Variants in INO80C observed in about 807,000 individuals in gnomAD.
The protein encoded by INO80C is INO80 complex subunit C.
A neutral mutation model predicts 17.7 loss-of-function variants in INO80C; 17 were observed. That is an observed-to-expected ratio of 0.96 (90% CI 0.66 to 1.44). The LOEUF is 1.44. Ranked by LOEUF, INO80C falls within the 40% of genes most tolerant of loss-of-function variation. The pLI, the probability that INO80C is intolerant of heterozygous loss-of-function variation, is 0.00. For synonymous variants in INO80C, 96 were observed against 95.8 expected (o/e 1.00, Z -0.01); for missense variants, 244 against 245.0 (o/e 1.00, Z 0.03).
chr18:35,484,300 A>C (rs2045847437), intron 1 of INO80C, among the ~76,000 whole-genome samples: 1 of 152,246 alleles, frequency 6.6e-6, no homozygotes, highest in Non-Finnish European at 1.5e-5. Flanking sequence ...CACAGTTTTC[A>C]GTATACAGGC....
intron 1 of INO80C, among the ~76,000 whole-genome samples, chr18:35,493,365 TATTA>T (rs1278359021): frequency 2.0e-4 from 30 of 152,352 alleles, no homozygotes; most frequent in African/African-American, 7.2e-4. Context: ...TTCATAACAT[TATTA>T]ATCAACAACT....
At chr18:35,469,576 G>A (rs2045644923) in intron 4 of INO80C, among the ~76,000 whole-genome samples, 2 of 152,128 alleles carry the variant, frequency 1.3e-5, no homozygotes, top group Non-Finnish European at 2.9e-5. Context: ...TCAGGACTCG[G>A]CCCCAAAGCT....
chr18:35,494,786 A>G (rs1014692718), intron 1 of INO80C, among the ~76,000 whole-genome samples: 3 of 152,232 alleles, frequency 2.0e-5, no homozygotes, highest in Admixed American at 1.3e-4. Flanking sequence ...GAGCTACTAA[A>G]TGAGTGTTAT....
intron 1 of INO80C, among the ~76,000 whole-genome samples, chr18:35,480,896 C>A (rs552093250): frequency 1.1e-4 from 16 of 152,338 alleles, no homozygotes; most frequent in Admixed American, 3.3e-4. Context: ...CCCCAGCATA[C>A]AGAAAAGAAA....
chr18:35,477,243 C>CA (rs35903753), intron 4 of INO80C, among the ~76,000 whole-genome samples: 58,796 of 151,590 alleles, frequency 0.39, 11,705 homozygotes, highest in East Asian at 0.6. Context: ...GACTCTGTCT[C>CA]AAAAAAAAGT....
chr18:35,471,620 AT>A (rs2045670902), intron 4 of INO80C, among the ~76,000 whole-genome samples: 1 of 151,522 alleles, frequency 6.6e-6, no homozygotes, highest in Admixed American at 6.6e-5. Flanking sequence ...TAATTTTATT[AT>A]TATTAAAGTT....
At chr18:35,471,023 G>C (rs997389731) in intron 4 of INO80C, among the ~76,000 whole-genome samples, 1 of 152,148 alleles carries the variant, frequency 6.6e-6, no homozygotes, top group African/African-American at 2.4e-5. Flanking sequence ...GCTCTGTAAC[G>C]AGTGCTGAAC....
At chr18:35,487,494 C>A (rs1316257561) in intron 1 of INO80C, 2 of 220,656 alleles carry the variant, frequency 9.1e-6, no homozygotes, top group African/African-American at 2.4e-5. Flanking sequence ...GGGGTTTCCC[C>A]TTATAAAACC....
At chr18:35,492,440 T>C (rs531919423) in intron 1 of INO80C, among the ~76,000 whole-genome samples, 1 of 152,286 alleles carries the variant, frequency 6.6e-6, no homozygotes, top group Middle Eastern at 3.4e-3. Flanking sequence ...TAATACTATA[T>C]ACCAAATATA....
chr18:35,483,843 T>C (rs1014786501), intron 1 of INO80C, among the ~76,000 whole-genome samples: 14 of 152,278 alleles, frequency 9.2e-5, no homozygotes, highest in South Asian at 6.2e-4. Flanking sequence ...GGGAAGGAAA[T>C]AGAAGAGAGT....
At chr18:35,476,465 G>A (rs2045737410) in intron 4 of INO80C, among the ~76,000 whole-genome samples, 2 of 152,146 alleles carry the variant, frequency 1.3e-5, no homozygotes, top group Admixed American at 6.5e-5. Context: ...AACTGAGTTT[G>A]GGTTATATGG....
In INO80C at chr18:35,476,313, C is replaced by T. The variant is rs186108155; in HGVS notation, c.447+1969G>A. On this transcript the variant is annotated intron_variant, in intron 4 of 4. Coordinates refer to ENST00000334598, the MANE Select transcript of INO80C (RefSeq NM_194281.4). ...ACTGGCAGAGCCAAGAGGAGTCTAACGAGACAGGATGACTAAATTTGATAT... is the reference window on the plus strand; with the variant it reads ...ACTGGCAGAGCCAAGAGGAGTCTAATGAGACAGGATGACTAAATTTGATAT... Among the ~76,000 whole-genome samples the T allele has an allele frequency of 3.9e-5, 6 of 152,148 alleles. No individual in the cohort carries two copies. The East Asian group carries it at 5.8e-4, about 15-fold the overall frequency.
intron 1 of INO80C, among the ~76,000 whole-genome samples, chr18:35,497,107 A>G (rs1394214908): frequency 6.6e-6 from 1 of 152,170 alleles, no homozygotes; most frequent in Non-Finnish European, 1.5e-5. Flanking sequence ...CCTGCTGAAA[A>G]TTCATTGCTG....
At chr18:35,479,495 C>A in intron 2 of INO80C, 84 bp from the exon 3 acceptor site, 1 of 777,978 alleles carries the variant, frequency 1.3e-6, no homozygotes, top group Non-Finnish European at 2.2e-6. Flanking sequence ...CTAATCATAA[C>A]TGTAATATAC....
intron 1 of INO80C, chr18:35,483,535 G>A (rs1024732851): frequency 1.3e-5 from 2 of 152,260 alleles, no homozygotes; most frequent in African/African-American, 4.8e-5. Flanking sequence ...AAAACATGCT[G>A]CTTTACTTCA....
chr18:35,490,149 G>A (rs953996067), intron 1 of INO80C, among the ~76,000 whole-genome samples: 1 of 152,196 alleles, frequency 6.6e-6, no homozygotes, highest in African/African-American at 2.4e-5. Flanking sequence ...TTCAGGAGGT[G>A]GTGGTACAAA....
At chr18:35,484,470 A>G (rs2045849762) in intron 1 of INO80C, among the ~76,000 whole-genome samples, 1 of 152,236 alleles carries the variant, frequency 6.6e-6, no homozygotes. Context: ...CATATAGAGG[A>G]GTTCTGCATC....
At chr18:35,492,838 A>G (rs1279721398) in intron 1 of INO80C, among the ~76,000 whole-genome samples, 4 of 152,200 alleles carry the variant, frequency 2.6e-5, no homozygotes, top group Non-Finnish European at 5.9e-5. Flanking sequence ...TCTATAGGTT[A>G]ATTAGATTTC....
At chr18:35,494,820 T>C (rs1430532935) in intron 1 of INO80C, among the ~76,000 whole-genome samples, 1 of 152,224 alleles carries the variant, frequency 6.6e-6, no homozygotes, top group Non-Finnish European at 1.5e-5. Context: ...TTTGTGATAA[T>C]TTGTAATGAC....
Sources: gnomAD v4.1 joint callset for allele counts (sites outside exome capture counted in the v4.1 genomes callset) on GRCh38, gnomAD v4.1.1 for gene constraint, MANE v1.5 for transcripts, NCBI Gene and HGNC (gene_info 2026-07-23, HGNC 2026-07-21) for gene names.